The following UBE2E2 variants were observed in gnomAD, a reference collection of about 807,000 sequenced individuals.
The protein encoded by UBE2E2 is ubiquitin conjugating enzyme E2 E2, also known as ubiquitin-conjugating enzyme E2 E2.
Under a neutral mutation model 24.7 loss-of-function variants are expected in UBE2E2, and 6 were observed. The ratio of observed to expected loss-of-function variants is 0.24; its 90% CI spans 0.13 to 0.48. The LOEUF is 0.48. Ranked by LOEUF, UBE2E2 falls within the 20% of genes least tolerant of loss-of-function variation. The pLI is 0.99. For missense variants in UBE2E2, 169 were observed against 245.0 expected (o/e 0.69, Z 2.07); for synonymous variants, 104 against 83.6 (o/e 1.24, Z -1.33).
At chr3:23,522,711 G>T (rs192404453) in intron 4 of UBE2E2, among the ~76,000 whole-genome samples, 76 of 152,254 alleles carry the variant, frequency 5.0e-4, no homozygotes, top group African/African-American at 1.8e-3. Flanking sequence ...ATCTGTAGGA[G>T]ACTTCTATGA....
At chr3:23,555,002 A>G (rs936434663) in intron 5 of UBE2E2, among the ~76,000 whole-genome samples, 1 of 150,776 alleles carries the variant, frequency 6.6e-6, no homozygotes, top group African/African-American at 2.4e-5. Context: ...CTGCAGCCTT[A>G]TCTCCTGGGT....
chr3:23,233,347 T>A (rs368766174), intron 3 of UBE2E2, among the ~76,000 whole-genome samples: 7 of 152,164 alleles, frequency 4.6e-5, no homozygotes, highest in Admixed American at 3.9e-4. Context: ...GGTTCATAAA[T>A]GATATTAAAC....
chr3:23,245,762 C>G (rs932031211), intron 3 of UBE2E2, among the ~76,000 whole-genome samples: 2 of 152,060 alleles, frequency 1.3e-5, no homozygotes, highest in South Asian at 2.1e-4. Context: ...CATCTTAAAC[C>G]TTTTATGAGG....
chr3:23,421,262 G>T (rs1697790183), intron 3 of UBE2E2, among the ~76,000 whole-genome samples: 1 of 152,172 alleles, frequency 6.6e-6, no homozygotes, highest in Non-Finnish European at 1.5e-5. Context: ...GTGATGGCTG[G>T]TATCTGTTAC....
intron 3 of UBE2E2, among the ~76,000 whole-genome samples, chr3:23,226,235 T>C (rs950586975): frequency 6.7e-6 from 1 of 148,274 alleles, no homozygotes; most frequent in Non-Finnish European, 1.5e-5. Flanking sequence ...AAAGTGTGTG[T>C]GGGGGTTATT....
chr3:23,278,998 GTTC>G (rs1415237301), intron 3 of UBE2E2, among the ~76,000 whole-genome samples: 17 of 151,806 alleles, frequency 1.1e-4, no homozygotes, highest in Admixed American at 4.6e-4. Context: ...CTTCTTTACT[GTTC>G]TTAGAATTTA....
Position 23,203,430 on chromosome 3 carries a change from C to G in UBE2E2, c.-43C>G. On this transcript the variant is annotated 5_prime_UTR_variant, in exon 1 of 6. Transcript: ENST00000396703. Reference sequence around the variant, plus strand: ...GCAGCTCTCTCCCAGGGCTTCGGCTCGAGCCTGCGACCTGCACGGACACCC... The same window carrying G: ...GCAGCTCTCTCCCAGGGCTTCGGCTGGAGCCTGCGACCTGCACGGACACCC... The G allele has an allele frequency of 1.1e-5, 11 of 980,492 alleles. No homozygotes were observed. The highest frequency in any genetic ancestry group is 1.3e-5 in the Non-Finnish European group (11 of 828,824). 60.7% of individuals were successfully genotyped at this position (980,492 alleles called of 1,614,324 possible).
At chr3:23,284,304 A>G (rs1038058059) in intron 3 of UBE2E2, among the ~76,000 whole-genome samples, 3 of 152,162 alleles carry the variant, frequency 2.0e-5, no homozygotes, top group Non-Finnish European at 4.4e-5. Context: ...TTAATAAATT[A>G]TATGTGATTT....
intron 3 of UBE2E2, among the ~76,000 whole-genome samples, chr3:23,399,716 C>T (rs1697172397): frequency 6.6e-6 from 1 of 152,156 alleles, no homozygotes; most frequent in Non-Finnish European, 1.5e-5. Context: ...TAGCATGTAA[C>T]CAATTTAAAT....
intron 3 of UBE2E2, among the ~76,000 whole-genome samples, chr3:23,258,148 T>C (rs747262320): frequency 1.3e-5 from 2 of 152,164 alleles, no homozygotes; most frequent in Non-Finnish European, 2.9e-5. Context: ...ATATGCAAGA[T>C]GAGACCATGT....
At chr3:23,586,951 A>G (rs1281550872) in intron 5 of UBE2E2, among the ~76,000 whole-genome samples, 1 of 152,022 alleles carries the variant, frequency 6.6e-6, no homozygotes, top group Non-Finnish European at 1.5e-5. Flanking sequence ...TAGGAAGAAA[A>G]CATACCACGA....
intron 5 of UBE2E2, among the ~76,000 whole-genome samples, chr3:23,563,415 T>C (rs749470683): frequency 2.6e-5 from 4 of 152,196 alleles, no homozygotes; most frequent in Non-Finnish European, 4.4e-5. Context: ...TCTAGTTTGA[T>C]TGCACTGTGG....
chr3:23,512,213 A>G (rs1003345664), intron 4 of UBE2E2, among the ~76,000 whole-genome samples: 1 of 99,134 alleles, frequency 1.0e-5, no homozygotes, highest in African/African-American at 3.9e-5. Flanking sequence ...TTTTTTTTCT[A>G]TTTATTTTAT....
At chr3:23,309,676 A>G (rs1317291446) in intron 3 of UBE2E2, among the ~76,000 whole-genome samples, 4 of 152,140 alleles carry the variant, frequency 2.6e-5, no homozygotes, top group African/African-American at 7.2e-5. Flanking sequence ...ATCTTTGTCA[A>G]TATTACCTCA....
At chr3:23,237,382 T>G (rs1439747267) in intron 3 of UBE2E2, among the ~76,000 whole-genome samples, 2 of 152,198 alleles carry the variant, frequency 1.3e-5, no homozygotes, top group African/African-American at 4.8e-5. Context: ...TGTCTTATTT[T>G]TCTCTAAAAT....
In UBE2E2 at chr3:23,203,454, C is replaced by A; in HGVS notation, c.-19C>A. On this transcript the variant is annotated 5_prime_UTR_variant, in exon 1 of 6. Coordinates refer to ENST00000396703, the MANE Select transcript of UBE2E2 (RefSeq NM_152653.4). ...TCGAGCCTGCGACCTGCACGGACAC[C>A]CCCCCCTCAGGTATTCGCTCGGGCC... is the stretch of plus-strand genomic sequence containing the variant. 1.0e-6 allele frequency: 1 copy of A among 955,254 alleles called. No homozygotes were observed. Among genetic ancestry groups the A allele is most frequent in the Non-Finnish European group, 1.2e-6 (1 of 815,854 alleles). The allele number at this position is 955,254 out of a possible 1,614,324, so 59.2% of individuals were successfully genotyped here.
At chr3:23,508,020 A>G (rs781472122) in intron 4 of UBE2E2, among the ~76,000 whole-genome samples, 59 of 152,176 alleles carry the variant, frequency 3.9e-4, no homozygotes, top group Non-Finnish European at 6.2e-4. Flanking sequence ...TCATTTTCAC[A>G]TTTAACTAGT....
chr3:23,205,473 T>C (rs1696122705), intron 1 of UBE2E2, among the ~76,000 whole-genome samples: 1 of 152,216 alleles, frequency 6.6e-6, no homozygotes, highest in Non-Finnish European at 1.5e-5. Flanking sequence ...TAGACTACTT[T>C]TTCTTCATAA....
In UBE2E2 at chr3:23,583,060, A is replaced by G. The variant is rs1440174835; in HGVS notation, c.509-6674A>G. Among the ~76,000 whole-genome samples the G allele has an allele frequency of 6.6e-6, 1 of 151,984 alleles. No homozygotes were observed. Among genetic ancestry groups the G allele is most frequent in the Non-Finnish European group, 1.5e-5 (1 of 67,980 alleles). ...TGTCTTCCAGGGTTTTCATAGTTTT[A>G]GGTTTTACATTTAAGTCTTTAATCC... is the stretch of plus-strand genomic sequence containing the variant. On this transcript the variant is annotated intron_variant, in intron 5 of 5. Transcript: ENST00000396703. The surrounding 1 kb of genome is among the most constrained non-coding windows in gnomAD (Gnocchi z 4.1).
Sources: gnomAD v4.1 joint callset for allele counts (sites outside exome capture counted in the v4.1 genomes callset) on GRCh38, gnomAD v4.1.1 for gene constraint, Gnocchi (gnomAD v3.1) non-coding constraint, MANE v1.5 for transcripts, NCBI Gene and HGNC (gene_info 2026-07-23, HGNC 2026-07-21) for gene names.